Variants in MMD2 observed in about 807,000 individuals in gnomAD.
The protein encoded by MMD2 is monocyte to macrophage differentiation associated 2.
MMD2 carries 30 observed loss-of-function variants against 33.5 expected under a neutral mutation model. The observed-to-expected ratio is 0.90, with a 90% CI of 0.67 to 1.22. MMD2 has a LOEUF of 1.22. Ranked by LOEUF, MMD2 falls within the 50% of genes most tolerant of loss-of-function variation. The pLI is 0.00. For synonymous variants in MMD2, 129 were observed against 123.0 expected, an observed-to-expected ratio of 1.05 and a Z score of -0.32; for missense variants, 364 against 325.4, an observed-to-expected ratio of 1.12 and a Z score of -0.91.
intron 2 of MMD2, among the ~76,000 whole-genome samples, chr7:4,924,812 C>A (rs922369128): frequency 6.6e-6 from 1 of 152,128 alleles, no homozygotes; most frequent in Non-Finnish European, 1.5e-5. Flanking sequence ...GTGAGGGATT[C>A]AAGTGTTTGA....
chr7:4,956,372 G>A (rs1028877798), intron 1 of MMD2, among the ~76,000 whole-genome samples: 1 of 151,794 alleles, frequency 6.6e-6, no homozygotes, highest in Middle Eastern at 3.2e-3. Flanking sequence ...GCTGCAGTGA[G>A]CTATGATCAC....
At chr7:4,895,510 T>A in the MMD2 span, among the ~76,000 whole-genome samples, 3 of 151,958 alleles carry the variant, frequency 2.0e-5, no homozygotes, top group Non-Finnish European at 4.4e-5. Context: ...GAGGGTGGAG[T>A]TTAGCCAGGA....
At position 4,920,199 on chromosome 7, in the gene MMD2, T is replaced by A. The variant is rs768953476; in HGVS notation, c.262A>T (p.Thr88Ser). 2 of 1,569,790 alleles carry A rather than the reference T, an allele frequency of 1.3e-6. No homozygotes were observed. The highest frequency in any genetic ancestry group is 1.4e-5 in the African/African-American group (1 of 73,836). The change falls in exon 3 of 7, where the codon ACC becomes TCC. Residue 88 changes from threonine (T) to serine (S), a missense_variant. Thr to Ser is a moderately conservative substitution (Grantham distance 58). Transcript: ENST00000401401. ...AGGTGGCTCTTCTTCCAGGAGATGG[T>A]GTGAAACACAGTGGACACCACGAAG... Reference protein sequence around the residue: ...GLFVVSTVFHTISWKKSHLRM... With the variant: ...GLFVVSTVFHSISWKKSHLRM...
At chr7:4,916,258 T>A (rs566135851) in intron 3 of MMD2, among the ~76,000 whole-genome samples, 179 bp from the exon 4 acceptor site, 1 of 151,592 alleles carries the variant, frequency 6.6e-6, no homozygotes, top group South Asian at 2.1e-4. Flanking sequence ...AGAGCAGTGG[T>A]CTTCAAACCA....
chr7:4,945,248 CTT>C (rs1491181028), intron 1 of MMD2, among the ~76,000 whole-genome samples: 24 of 142,526 alleles, frequency 1.7e-4, no homozygotes, highest in African/African-American at 5.5e-4. Flanking sequence ...TCCTCTCTCT[CTT>C]TCTTTCCCTC....
intron 1 of MMD2, among the ~76,000 whole-genome samples, chr7:4,958,132 C>T (rs1414460331): frequency 6.6e-6 from 1 of 152,166 alleles, no homozygotes; most frequent in Non-Finnish European, 1.5e-5. Flanking sequence ...GCCTGGTGCC[C>T]CCTCCAAAGA....
chr7:4,903,629 C>T (rs551472178), downstream of MMD2, among the ~76,000 whole-genome samples: 15 of 152,318 alleles, frequency 9.8e-5, no homozygotes, highest in East Asian at 1.7e-3. Flanking sequence ...CAGGTGGGCA[C>T]GCAGCCGGGG....
Position 4,946,569 on chromosome 7 carries a change from G to A in MMD2, c.47+12402C>T, listed in dbSNP as rs1173861293. 6.6e-6 allele frequency among the ~76,000 whole-genome samples: 1 copy of A among 152,144 alleles called. No individual in the cohort carries two copies. Among genetic ancestry groups the A allele is most frequent in the African/African-American group, 2.4e-5 (1 of 41,430 alleles). The stretch of plus-strand genomic sequence containing the variant: ...AATGGATGCTAAGACCACCAGGTGA[G>A]AGGCTGCTGAGTAATAGGATGCTGA... On this transcript the variant is annotated intron_variant, in intron 1 of 6. Coordinates refer to ENST00000401401, the MANE Select transcript of MMD2 (RefSeq NM_198403.4). The surrounding 1 kb of genome is among the most constrained non-coding windows in gnomAD (Gnocchi z 5.0).
intron 4 of MMD2, among the ~76,000 whole-genome samples, chr7:4,911,791 G>A (rs1014577280): frequency 2.6e-5 from 4 of 151,992 alleles, no homozygotes; most frequent in African/African-American, 9.7e-5. Flanking sequence ...TGGGATTACA[G>A]GCATGCGCCA....
chr7:4,899,119 G>C, the MMD2 span, among the ~76,000 whole-genome samples: 9 of 152,110 alleles, frequency 5.9e-5, no homozygotes, highest in African/African-American at 2.2e-4. Flanking sequence ...TCAGTCATGG[G>C]AGGACACAAT....
chr7:4,927,819 G>A (rs1484560124), intron 1 of MMD2, among the ~76,000 whole-genome samples: 1 of 152,160 alleles, frequency 6.6e-6, no homozygotes, highest in Non-Finnish European at 1.5e-5. Context: ...AGAGCACCAC[G>A]TGGAGCTATT....
intron 1 of MMD2, among the ~76,000 whole-genome samples, chr7:4,944,345 C>T (rs1785991531): frequency 6.6e-6 from 1 of 152,082 alleles, no homozygotes; most frequent in Non-Finnish European, 1.5e-5. Flanking sequence ...AACTTTAGCC[C>T]TGGGCTCACT....
intron 5 of MMD2, 30 bp downstream of exon 5, chr7:4,911,113 CCG>C: frequency 6.6e-7 from 1 of 1,526,572 alleles, no homozygotes; most frequent in Non-Finnish European, 8.9e-7. Context: ...TAAGGGAATC[CCG>C]CCTCCCTGAA....
chr7:4,954,266 T>C (rs1181383986), intron 1 of MMD2, among the ~76,000 whole-genome samples: 2 of 152,176 alleles, frequency 1.3e-5, no homozygotes, highest in African/African-American at 4.8e-5. Context: ...GTCTTTTACA[T>C]TTTCTATTTG....
chr7:4,917,624 G>A (rs571332147), intron 3 of MMD2, among the ~76,000 whole-genome samples: 42 of 151,906 alleles, frequency 2.8e-4, no homozygotes, highest in Non-Finnish European at 2.6e-4. Context: ...CCTGGGAGGC[G>A]GAGCTTGCAG....
intron 2 of MMD2, among the ~76,000 whole-genome samples, chr7:4,920,547 C>G (rs1009793230): frequency 3.4e-5 from 5 of 148,264 alleles, no homozygotes; most frequent in African/African-American, 1.2e-4. Flanking sequence ...TCTCCTTTCC[C>G]TTTCCTTCTT....
intron 1 of MMD2, among the ~76,000 whole-genome samples, chr7:4,936,925 G>C (rs575982333): frequency 6.6e-6 from 1 of 151,048 alleles, no homozygotes; most frequent in East Asian, 2.0e-4. Flanking sequence ...TAGTAGAGAC[G>C]GGGTTTCACC....
At chr7:4,928,418 A>C (rs1004283624) in intron 1 of MMD2, among the ~76,000 whole-genome samples, 8 of 151,646 alleles carry the variant, frequency 5.3e-5, no homozygotes, top group African/African-American at 1.9e-4. Context: ...TGCTGGCTCC[A>C]TGCTAAGTAC....
chr7:4,914,214 C>T (rs1166013804), intron 4 of MMD2, among the ~76,000 whole-genome samples: 1 of 152,102 alleles, frequency 6.6e-6, no homozygotes, highest in African/African-American at 2.4e-5. Context: ...ACCATGGTGC[C>T]TATTGTTTTT....
Sources: gnomAD v4.1 joint callset for allele counts (sites outside exome capture counted in the v4.1 genomes callset) on GRCh38, gnomAD v4.1.1 for gene constraint, Gnocchi (gnomAD v3.1) non-coding constraint, MANE v1.5 for transcripts, NCBI Gene and HGNC (gene_info 2026-07-23, HGNC 2026-07-21) for gene names.